CRYBG1: variants seen among roughly 807,000 people sequenced by gnomAD.
CRYBG1 encodes the protein crystallin beta-gamma domain containing 1.
A neutral mutation model predicts 189.2 loss-of-function variants in CRYBG1; 139 were observed. The observed-to-expected ratio is 0.73, with a 90% CI of 0.64 to 0.85. The LOEUF (loss-of-function observed/expected upper bound fraction) is 0.85, where lower values mean the gene tolerates loss of function less well. Ranked by LOEUF, CRYBG1 falls within the 40% of genes least tolerant of loss-of-function variation. The pLI is 0.00. For missense variants in CRYBG1, 2,611 were observed against 2,675.8 expected, an observed-to-expected ratio of 0.98 and a Z score of 0.53; for synonymous variants, 1,023 against 1,017.1, an observed-to-expected ratio of 1.01 and a Z score of -0.11.
At chr6:106,380,100 T>A (rs2114317178) in intron 1 of CRYBG1, among the ~76,000 whole-genome samples, 1 of 152,254 alleles carries the variant, frequency 6.6e-6, no homozygotes, top group Non-Finnish European at 1.5e-5. Context: ...CCCTGACTTG[T>A]GCAATTTCAA....
intron 2 of CRYBG1, among the ~76,000 whole-genome samples, chr6:106,494,084 T>G (rs989737692): frequency 6.6e-6 from 1 of 152,286 alleles, no homozygotes; most frequent in East Asian, 1.9e-4. Context: ...GCATACAACA[T>G]AGATAACCTT....
chr6:106,536,468 C>T (rs888990174), intron 8 of CRYBG1, among the ~76,000 whole-genome samples: 3 of 152,122 alleles, frequency 2.0e-5, no homozygotes, highest in African/African-American at 4.8e-5. Context: ...TTCAAGTATC[C>T]AGTTGGTTTC....
intron 1 of CRYBG1, among the ~76,000 whole-genome samples, chr6:106,416,100 T>A (rs994197175): frequency 2.6e-5 from 4 of 152,120 alleles, no homozygotes; most frequent in African/African-American, 9.7e-5. Context: ...TGCTGCCCCC[T>A]TTCTTGGCCC....
intron 8 of CRYBG1, among the ~76,000 whole-genome samples, chr6:106,537,235 T>G (rs1180459694): frequency 2.0e-5 from 3 of 152,220 alleles, no homozygotes; most frequent in African/African-American, 7.2e-5. Flanking sequence ...AAAAGGGTAC[T>G]TCGGTAAGAA....
chr6:106,558,173 TAA>T (rs1027151777), intron 17 of CRYBG1, among the ~76,000 whole-genome samples: 2 of 152,056 alleles, frequency 1.3e-5, no homozygotes, highest in African/African-American at 4.8e-5. Context: ...TGAAAATGGC[TAA>T]GTCAAAAATA....
At chr6:106,490,360 G>A (rs750883174) in intron 2 of CRYBG1, among the ~76,000 whole-genome samples, 1 of 152,190 alleles carries the variant, frequency 6.6e-6, no homozygotes, top group Non-Finnish European at 1.5e-5. Flanking sequence ...TAGTTTAGGG[G>A]GGAGCAGTTC....
chr6:106,392,083 C>G (rs1770518613), intron 1 of CRYBG1, among the ~76,000 whole-genome samples: 1 of 151,908 alleles, frequency 6.6e-6, no homozygotes. Flanking sequence ...GATTATCACC[C>G]CTTAGAAAAT....
At chr6:106,540,921 A>G (rs898655515) in intron 9 of CRYBG1, among the ~76,000 whole-genome samples, 44 of 152,092 alleles carry the variant, frequency 2.9e-4, no homozygotes, top group African/African-American at 1.0e-3. Context: ...CTCTGATTTT[A>G]GTGAGTTTTT....
At chr6:106,487,448 AT>A (rs1772616717) in intron 2 of CRYBG1, among the ~76,000 whole-genome samples, 1 of 152,062 alleles carries the variant, frequency 6.6e-6, no homozygotes, top group South Asian at 2.1e-4. Context: ...CCTTTAAGCA[AT>A]TTTTGTAAGC....
chr6:106,400,156 A>AGAG (rs1554232160), intron 1 of CRYBG1, among the ~76,000 whole-genome samples: 2 of 143,988 alleles, frequency 1.4e-5, no homozygotes, highest in East Asian at 2.3e-4. Flanking sequence ...AAAAAAAAAA[A>AGAG]AGAGAGAGAG....
chr6:106,434,016 G>C (rs919308596), intron 1 of CRYBG1, among the ~76,000 whole-genome samples: 1 of 151,872 alleles, frequency 6.6e-6, no homozygotes, highest in African/African-American at 2.4e-5. Context: ...CTGTCAACCA[G>C]GACTCTAGTC....
intron 1 of CRYBG1, among the ~76,000 whole-genome samples, chr6:106,369,496 T>C (rs1769971019): frequency 6.6e-6 from 1 of 152,218 alleles, no homozygotes; most frequent in South Asian, 2.1e-4. Context: ...TGGCCAACAG[T>C]TACATAAAGT....
intron 1 of CRYBG1, among the ~76,000 whole-genome samples, chr6:106,431,549 T>C (rs1267131065): frequency 6.6e-6 from 1 of 152,120 alleles, no homozygotes; most frequent in East Asian, 1.9e-4. Context: ...GGCAAATAAC[T>C]TGCTTGTTCC....
chr6:106,476,069 T>C (rs1054455481), intron 2 of CRYBG1, among the ~76,000 whole-genome samples: 4 of 152,240 alleles, frequency 2.6e-5, no homozygotes, highest in Admixed American at 6.5e-5. Flanking sequence ...TAGTGTTTGA[T>C]GATGTTACTT....
intron 3 of CRYBG1, among the ~76,000 whole-genome samples, chr6:106,514,355 A>T (rs1174633586): frequency 6.6e-6 from 1 of 152,108 alleles, no homozygotes. Flanking sequence ...TCTTGAACCT[A>T]ATGGTTTCTT....
chr6:106,370,103 C>A (rs569150697), intron 1 of CRYBG1, among the ~76,000 whole-genome samples: 72 of 152,170 alleles, frequency 4.7e-4, no homozygotes, highest in Non-Finnish European at 8.2e-4. Flanking sequence ...TAGACAATTT[C>A]TACGTTAAAT....
intron 2 of CRYBG1, among the ~76,000 whole-genome samples, chr6:106,502,849 C>T (rs1446922065): frequency 1.3e-5 from 2 of 152,224 alleles, no homozygotes; most frequent in African/African-American, 2.4e-5. Flanking sequence ...CAGGGTTCTT[C>T]TTTCACATGG....
chr6:106,463,416 G>A (rs1772053113), intron 2 of CRYBG1, among the ~76,000 whole-genome samples: 1 of 152,156 alleles, frequency 6.6e-6, no homozygotes, highest in South Asian at 2.1e-4. Context: ...TGTGTAGAAT[G>A]TTTGTCACCC....
intron 1 of CRYBG1, among the ~76,000 whole-genome samples, chr6:106,438,342 G>A (rs1771504523): frequency 6.6e-6 from 1 of 152,110 alleles, no homozygotes; most frequent in Non-Finnish European, 1.5e-5. Flanking sequence ...AGTTTCCTGG[G>A]GTAGCTATAA....
Sources: allele counts gnomAD v4.1 joint callset (sites outside exome capture counted in the v4.1 genomes callset), GRCh38; gene constraint gnomAD v4.1.1; transcripts MANE v1.5; gene names NCBI Gene and HGNC (gene_info 2026-07-23, HGNC 2026-07-21).